JAK2: variants seen among roughly 807,000 people sequenced by gnomAD.
JAK2 encodes tyrosine-protein kinase JAK2.
A neutral mutation model predicts 139.3 loss-of-function variants in JAK2; 86 were observed. The observed-to-expected ratio is 0.62, with a 90% CI of 0.52 to 0.74. The LOEUF is 0.74. JAK2 is among the 30% of genes least tolerant of loss of function. The pLI is 0.00. For synonymous variants in JAK2, 490 were observed against 437.7 expected, an observed-to-expected ratio of 1.12 and a Z score of -1.49; for missense variants, 1,421 against 1,360.3, an observed-to-expected ratio of 1.04 and a Z score of -0.70.
chr9:5,126,828 A>G lies in JAK2; in HGVS notation c.*37A>G, dbSNP rs769977127. 6 of 1,318,276 alleles carry G rather than the reference A, an allele frequency of 4.6e-6. No individual in the cohort carries two copies. Among genetic ancestry groups the G allele is most frequent in the Non-Finnish European group, 6.5e-6 (6 of 921,120 alleles). 81.7% of individuals were successfully genotyped at this position (1,318,276 alleles called of 1,614,324 possible). A position where few individuals can be genotyped will look rare whatever the true frequency, so the allele number is the denominator to read the frequency against. On this transcript the variant is annotated 3_prime_UTR_variant, in exon 25 of 25. Coordinates refer to ENST00000381652, the MANE Select transcript of JAK2 (RefSeq NM_004972.4). ...TTCATTCTGAGACCAAAGTAGATTTACAGAACAAAGTTTTATATTTCACAT... is the reference window on the plus strand; with the variant it reads ...TTCATTCTGAGACCAAAGTAGATTTGCAGAACAAAGTTTTATATTTCACAT...
At chr9:5,066,203 A>C (rs1818556882) in intron 9 of JAK2, among the ~76,000 whole-genome samples, 1 of 152,142 alleles carries the variant, frequency 6.6e-6, no homozygotes, top group Non-Finnish European at 1.5e-5. Context: ...AAAAACCAGT[A>C]GTCTTTGTCA....
intron 2 of JAK2, among the ~76,000 whole-genome samples, chr9:5,006,129 T>C (rs926338539): frequency 1.3e-5 from 2 of 152,216 alleles, no homozygotes. Flanking sequence ...CCCATGAGCA[T>C]GGAATGTTCT....
chr9:5,090,523 C>A lies in JAK2; in HGVS notation c.2839C>A (p.Arg947=), dbSNP rs370705658. The A allele has an allele frequency of 6.3e-7, 1 of 1,591,600 alleles. No homozygotes were observed. Among genetic ancestry groups the A allele is most frequent in the East Asian group, 2.3e-5 (1 of 44,188 alleles). ...LRDYLQKHKE[R]IDHIKLLQYT... is the part of the protein sequence containing the mutation. ...AGACTATCTTCAAAAACATAAAGAA[C>A]GGATAGATCACATAAAACTTCTGCA... The change falls in exon 21 of 25, where the codon CGG becomes AGG. Residue 947 remains arginine (R), a synonymous_variant. Coordinates refer to ENST00000381652, the MANE Select transcript of JAK2 (RefSeq NM_004972.4).
intron 22 of JAK2, chr9:5,098,740 C>G (rs547975680): frequency 3.3e-5 from 5 of 151,416 alleles, no homozygotes; most frequent in African/African-American, 1.2e-4. Context: ...GTCGCCCAGG[C>G]TGCAGTGCAG....
intron 22 of JAK2, chr9:5,112,908 C>G (rs1002444914): frequency 3.3e-6 from 1 of 300,738 alleles, no homozygotes; most frequent in East Asian, 7.1e-5. Context: ...GGGCCCAGAA[C>G]GCCCACTTGA....
chr9:5,125,298 G>A (rs895825459), intron 23 of JAK2, among the ~76,000 whole-genome samples: 5 of 151,024 alleles, frequency 3.3e-5, no homozygotes, highest in African/African-American at 9.7e-5. Context: ...ATACTGTGCA[G>A]TTTGCTCTCC....
intron 2 of JAK2, among the ~76,000 whole-genome samples, chr9:5,012,258 A>C (rs1821750211): frequency 6.6e-6 from 1 of 152,216 alleles, no homozygotes; most frequent in Non-Finnish European, 1.5e-5. Context: ...GGATGGAAGA[A>C]GAGTAAGTAT....
rs568557427 is a variant in JAK2 at position 5,127,332 on chromosome 9, T to C, written c.*541T>C. 1 of 232,060 alleles carries C rather than the reference T, an allele frequency of 4.3e-6. No homozygotes were observed. The highest frequency in any genetic ancestry group is 2.2e-5 in the African/African-American group (1 of 45,266). 14.4% of individuals were successfully genotyped at this position (232,060 alleles called of 1,614,324 possible). A position where few individuals can be genotyped will look rare whatever the true frequency, so the allele number is the denominator to read the frequency against. ...TCAGATAATTGAATAAGTACCTTTG[T>C]GTCCTTGTTCATTTATATCGCTGGC... On this transcript the variant is annotated 3_prime_UTR_variant, in exon 25 of 25. Coordinates refer to ENST00000381652, the MANE Select transcript of JAK2 (RefSeq NM_004972.4).
chr9:5,091,601 ATAGAT>A (rs765718981), intron 22 of JAK2: 1 of 152,132 alleles, frequency 6.6e-6, no homozygotes, highest in South Asian at 2.1e-4. Flanking sequence ...ACTCAGGGTA[ATAGAT>A]TAGATAATTA....
intron 22 of JAK2, chr9:5,112,061 C>T: frequency 2.5e-6 from 1 of 405,154 alleles, no homozygotes; most frequent in East Asian, 7.4e-5. Context: ...ACGGGGGTCT[C>T]CACGGCCTGG....
At chr9:4,999,062 T>C (rs1321802579) in intron 2 of JAK2, among the ~76,000 whole-genome samples, 4 of 152,076 alleles carry the variant, frequency 2.6e-5, no homozygotes, top group African/African-American at 7.2e-5. Context: ...CCTGACCTTG[T>C]GATCCACCTG....
chr9:5,080,989 A>G (rs1163602715), intron 18 of JAK2, among the ~76,000 whole-genome samples: 2 of 147,194 alleles, frequency 1.4e-5, no homozygotes, highest in Admixed American at 6.9e-5. Context: ...TCCACCTCCA[A>G]GGTTCACGCC....
intron 5 of JAK2, 143 bp downstream of exon 5, chr9:5,044,663 G>T: frequency 3.9e-6 from 2 of 518,738 alleles, no homozygotes; most frequent in East Asian, 3.3e-5. Context: ...TAACAAAATT[G>T]AGTCTTTTAG....
At chr9:5,104,042 G>C (rs1159995550) in intron 22 of JAK2, among the ~76,000 whole-genome samples, 1 of 152,136 alleles carries the variant, frequency 6.6e-6, no homozygotes, top group Non-Finnish European at 1.5e-5. Flanking sequence ...TCAAAAGCTA[G>C]CAGAAGGCAA....
intron 10 of JAK2, 124 bp from the exon 11 acceptor site, chr9:5,068,898 A>T (rs907923297): frequency 2.0e-5 from 12 of 587,214 alleles, no homozygotes; most frequent in Admixed American, 1.3e-4. Flanking sequence ...TACTGGCACT[A>T]CATCGGATTC....
In JAK2 at chr9:5,077,498, A is replaced by C; in HGVS notation, c.1910A>C (p.Tyr637Ser). 1.4e-6 allele frequency: 2 copies of C among 1,413,100 alleles called. No individual in the cohort carries two copies. The highest frequency in any genetic ancestry group is 1.9e-6 in the Non-Finnish European group (2 of 1,054,104). 87.5% of individuals were successfully genotyped at this position (1,413,100 alleles called of 1,614,324 possible). A position where few individuals can be genotyped will look rare whatever the true frequency, so the allele number is the denominator to read the frequency against. ...GTAAAATTTGGATCACTAGATACAT[A>C]TCTGAAAAAGAATAAAAATTGTATA... is the stretch of plus-strand genomic sequence containing the variant. The part of the protein sequence containing the change: ...EFVKFGSLDT[Y>S]LKKNKNCINI... The change falls in exon 15 of 25, where the codon TAT (tyrosine) becomes TCT (serine). Residue 637 changes from tyrosine to serine, a missense_variant. Coordinates refer to ENST00000381652, the MANE Select transcript of JAK2 (RefSeq NM_004972.4).
chr9:5,054,654 T>C lies in JAK2; in HGVS notation c.706T>C (p.Phe236Leu). The change falls in exon 7 of 25, where the codon TTT (phenylalanine) becomes CTT (leucine). Residue 236 changes from phenylalanine (F) to leucine (L), a missense_variant. Coordinates refer to ENST00000381652, the MANE Select transcript of JAK2 (RefSeq NM_004972.4). This position sits in a 1 kb window ranked among gnomAD's most constrained non-coding sequence, Gnocchi z 4.9. ...RKRIRYRFRRFIQQFSQCKAT... is the reference protein window; with the variant it reads ...RKRIRYRFRRLIQQFSQCKAT... ...GCGAATAAGGTACAGATTTCGCAGA[T>C]TTATTCAGCAATTCAGCCAATGCAA... 1 of 1,613,360 alleles carries C rather than the reference T, an allele frequency of 6.2e-7. No homozygotes were observed. Among genetic ancestry groups the C allele is most frequent in the Non-Finnish European group, 8.5e-7 (1 of 1,179,400 alleles).
chr9:5,116,567 T>A (rs1308522351), intron 22 of JAK2, among the ~76,000 whole-genome samples: 6 of 152,180 alleles, frequency 3.9e-5, no homozygotes, highest in African/African-American at 1.4e-4. Context: ...TTAAATAAAA[T>A]TAGCTGGCAA....
intron 12 of JAK2, among the ~76,000 whole-genome samples, chr9:5,071,049 G>GTCTTCTA (rs1818922781): frequency 6.6e-6 from 1 of 151,994 alleles, no homozygotes; most frequent in African/African-American, 2.4e-5. Flanking sequence ...CTGCGCTTCT[G>GTCTTCTA]GTGAGGAAAA....
Sources: allele counts gnomAD v4.1 joint callset (sites outside exome capture counted in the v4.1 genomes callset), GRCh38; gene constraint gnomAD v4.1.1; non-coding constraint Gnocchi (gnomAD v3.1); transcripts MANE v1.5; gene names NCBI Gene and HGNC (gene_info 2026-07-23, HGNC 2026-07-21).